Variants in ATAD3C observed in about 807,000 individuals in gnomAD.
ATAD3C encodes the protein ATPase family AAA domain-containing protein 3C.
ATAD3C carries 38 observed loss-of-function variants against 46.3 expected under a neutral mutation model. That is an observed-to-expected ratio of 0.82 (90% CI 0.63 to 1.08). The LOEUF (loss-of-function observed/expected upper bound fraction) is 1.08. ATAD3C is among the 50% of genes least tolerant of loss of function. The probability of loss-of-function intolerance (pLI) is 0.00; values close to 1 mark genes in which losing one functional copy is unlikely to be tolerated. For missense variants in ATAD3C, 563 were observed against 572.7 expected (o/e 0.98, Z 0.17); for synonymous variants, 220 against 236.4 (o/e 0.93, Z 0.63).
At chr1:1,450,855 T>C (rs1052064609) in intron 1 of ATAD3C, 97 bp downstream of exon 1, 10 of 1,552,708 alleles carry the variant, frequency 6.4e-6, no homozygotes, top group Non-Finnish European at 7.9e-6. Context: ...GCCGGGGGTG[T>C]GTACATGGGC....
chr1:1,462,845 G>C lies in ATAD3C; in HGVS notation c.1089+137G>C. 8.8e-7 allele frequency: 1 copy of C among 1,137,540 alleles called. No homozygotes were observed. The highest frequency in any genetic ancestry group is 1.2e-6 in the Non-Finnish European group (1 of 810,474). The allele number at this position is 1,137,540 out of a possible 1,614,324, so 70.5% of individuals were successfully genotyped here. A position where few individuals can be genotyped will look rare whatever the true frequency, so the allele number is the denominator to read the frequency against. On this transcript the variant is annotated intron_variant, in intron 11 of 11. Transcript: ENST00000378785. This position sits in a 1 kb window ranked among gnomAD's most constrained non-coding sequence, Gnocchi z 4.5. The stretch of plus-strand genomic sequence containing the variant: ...GGTTTTCAGTGCACAGATGTGACAC[G>C]GGGCCCCTGCCCCAGTTGGGCCACT...
chr1:1,464,509 G>T (rs1433924400), intron 11 of ATAD3C, among the ~76,000 whole-genome samples: 1 of 151,942 alleles, frequency 6.6e-6, no homozygotes, highest in Non-Finnish European at 1.5e-5. Flanking sequence ...GGTGGCTCAC[G>T]CCTGTAATCC....
intron 3 of ATAD3C, among the ~76,000 whole-genome samples, chr1:1,452,999 C>A (rs532895823): frequency 6.6e-6 from 1 of 151,960 alleles, no homozygotes. Flanking sequence ...CTGTGTCCTC[C>A]GTCCCCCCAC....
intron 6 of ATAD3C, among the ~76,000 whole-genome samples, 151 bp downstream of exon 6, chr1:1,456,067 C>T (rs967487578): frequency 5.4e-5 from 8 of 146,944 alleles, no homozygotes; most frequent in East Asian, 2.1e-4. Context: ...TGGGCAGCAG[C>T]GCCTCCCATC....
chr1:1,455,470 G>A lies in ATAD3C; in HGVS notation c.389G>A (p.Arg130Gln), dbSNP rs553622113. The A allele has an allele frequency of 1.1e-4, 175 of 1,612,410 alleles. 4 individuals carry two copies. Among genetic ancestry groups the A allele is most frequent in the South Asian group, 5.3e-4 (48 of 90,892 alleles). Residue 130 changes from arginine to glutamine, a missense_variant, in exon 5 of 12, where the codon CGG becomes CAG. Transcript: ENST00000378785. Reference sequence around the variant, plus strand: ...CCCCTTCCCCTCCAGCAGGTCAGCCGGCGGCTCCTCAGTCGACCCCAGGAC... The same window carrying A: ...CCCCTTCCCCTCCAGCAGGTCAGCCAGCGGCTCCTCAGTCGACCCCAGGAC... ...ALRHPIQQVS[R>Q]RLLSRPQDVL...
intron 11 of ATAD3C, among the ~76,000 whole-genome samples, chr1:1,464,791 G>A (rs1639121394): frequency 1.3e-5 from 2 of 151,948 alleles, no homozygotes; most frequent in African/African-American, 2.4e-5. Context: ...TTTAGGAATG[G>A]TTTTCCTATT....
At chr1:1,460,609 C>T (rs1035144522) in intron 9 of ATAD3C, 141 bp from the exon 10 acceptor site, 14 of 1,381,918 alleles carry the variant, frequency 1.0e-5, no homozygotes, top group Non-Finnish European at 1.2e-5. Flanking sequence ...TGGCTGCGTT[C>T]TCCCCATGTT....
In ATAD3C at chr1:1,451,671, G is replaced by A. The variant is rs139368610; in HGVS notation, c.76-375G>A. On this transcript the variant is annotated intron_variant, in intron 1 of 11. Coordinates refer to ENST00000378785, the MANE Select transcript of ATAD3C (RefSeq NM_001039211.3). Reference sequence around the variant, plus strand: ...GGTCACCTTCAGTCCTGAGCTCACAGGCGGGGTTCACGTGTTGCCTGTTGT... The same window carrying A: ...GGTCACCTTCAGTCCTGAGCTCACAAGCGGGGTTCACGTGTTGCCTGTTGT... 4.7e-3 allele frequency among the ~76,000 whole-genome samples: 715 copies of A among 152,218 alleles called. 8 individuals are homozygous for A. The highest frequency in any genetic ancestry group is 0.016 in the African/African-American group (673 of 41,572).
chr1:1,454,218 G>A, intron 3 of ATAD3C, 127 bp from the exon 4 acceptor site: 14 of 1,424,818 alleles, frequency 9.8e-6, no homozygotes, highest in Non-Finnish European at 1.3e-5. Context: ...GGGTTCCTGT[G>A]GGGCCAGCAC....
At chr1:1,455,557 G>A (rs760425262) in intron 5 of ATAD3C, 38 bp downstream of exon 5, 8 of 1,611,624 alleles carry the variant, frequency 5.0e-6, no homozygotes, top group Middle Eastern at 2.0e-4. Context: ...GGCGCAGGGA[G>A]GGGACCCCGG....
intron 6 of ATAD3C, 62 bp from the exon 7 acceptor site, chr1:1,456,163 G>A: frequency 6.5e-7 from 1 of 1,537,948 alleles, no homozygotes; most frequent in Non-Finnish European, 8.7e-7. Context: ...CGGGTGGAGT[G>A]TGCAGGCTTT....
rs570046441 is a variant in ATAD3C, at chr1:1,459,147, C to A, written c.742-14C>A. ...TTGCTCCTGGTGCCTAAGGCTGGAA[C>A]CTTCTCTCTGCAGGAGAAGATAAGC... is the stretch of plus-strand genomic sequence containing the variant. On this transcript the variant is annotated splice_polypyrimidine_tract_variant and intron_variant, in intron 8 of 11. Coordinates refer to ENST00000378785, the MANE Select transcript of ATAD3C (RefSeq NM_001039211.3). The surrounding 1 kb of genome is among the most constrained non-coding windows in gnomAD (Gnocchi z 4.9). 1.4e-4 allele frequency: 218 copies of A among 1,607,166 alleles called. 3 individuals carry two copies. Among genetic ancestry groups the A allele is most frequent in the African/African-American group, 4.1e-4 (31 of 74,704 alleles).
At chr1:1,460,978 C>T (rs988984425) in intron 10 of ATAD3C, 61 bp downstream of exon 10, 2 of 1,528,266 alleles carry the variant, frequency 1.3e-6, no homozygotes, top group Non-Finnish European at 1.8e-6. Context: ...CACCCCTGCT[C>T]CTGTTCTCCG....
chr1:1,460,706 C>G, intron 9 of ATAD3C, 44 bp from the exon 10 acceptor site: 1 of 1,550,284 alleles, frequency 6.5e-7, no homozygotes, highest in Non-Finnish European at 8.7e-7. Flanking sequence ...GGGGACAGCT[C>G]GGCCGGCAGC....
In ATAD3C at chr1:1,450,740, G is replaced by A. The variant is rs1439903788; in HGVS notation, c.57G>A (p.Glu19=). ...AQMQEQTLQL[E]QQSKLKQLVN... ...TGCAGGAGCAGACGCTGCAGTTGGA[G>A]CAACAGTCCAAGCTCAAAGTGAGTG... is the stretch of plus-strand genomic sequence containing the variant. Residue 19 remains glutamate, a synonymous_variant, in exon 1 of 12, where the codon GAG becomes GAA. Transcript: ENST00000378785. 8.7e-6 allele frequency: 14 copies of A among 1,613,106 alleles called. No homozygotes were observed. Among genetic ancestry groups the A allele is most frequent in the Non-Finnish European group, 1.1e-5 (13 of 1,179,578 alleles).
rs201157033 is a variant in ATAD3C at position 1,455,852 on chromosome 1, G to A, written c.500G>A (p.Arg167Gln). The change falls in exon 6 of 12, where the codon CGG (arginine) becomes CAG (glutamine). Residue 167 changes from arginine to glutamine, a missense_variant. Arg to Gln is a conservative substitution (Grantham distance 43, BLOSUM62 1). Transcript: ENST00000378785. ...AIMTRNIKKN[R>Q]GLYRHILLYG... ...ATGACAAGGAACATCAAGAAGAACC[G>A]GGGCCTGTACAGGCACATCCTGCTG... 42 of 1,613,482 alleles carry A rather than the reference G, an allele frequency of 2.6e-5. 1 individual carries two copies. In the Admixed American group the frequency reaches 2.7e-4, roughly 10 times the overall value.
Position 1,468,484 on chromosome 1 carries a change from T to C in ATAD3C, c.1190T>C (p.Leu397Pro). The C allele has an allele frequency of 6.2e-7, 1 of 1,612,028 alleles. No individual in the cohort carries two copies. The highest frequency in any genetic ancestry group is 8.5e-7 in the Non-Finnish European group (1 of 1,179,112). Residue 397 changes from leucine to proline, a missense_variant, in exon 12 of 12, where the codon CTG becomes CCG. Coordinates refer to ENST00000378785, the MANE Select transcript of ATAD3C (RefSeq NM_001039211.3). ...VQQHQQMMRWLKGERPGPEDE... is the reference protein window; with the variant it reads ...VQQHQQMMRWPKGERPGPEDE... Reference sequence around the variant, plus strand: ...CAGCACCAGCAGATGATGCGCTGGCTGAAGGGGGAGAGGCCTGGGCCCGAG... The same window carrying C: ...CAGCACCAGCAGATGATGCGCTGGCCGAAGGGGGAGAGGCCTGGGCCCGAG...
rs781457402 is a variant in ATAD3C at position 1,468,681 on chromosome 1, G to T, written c.*151G>T. ...TATTGGCTGACACGGGGCGGGGTTT[G>T]GGGCCCCCTAACGTCCCCCTGGGGT... On this transcript the variant is annotated 3_prime_UTR_variant, in exon 12 of 12. Transcript: ENST00000378785. 1.4e-6 allele frequency: 2 copies of T among 1,458,044 alleles called. No individual in the cohort carries two copies. Among genetic ancestry groups the T allele is most frequent in the Admixed American group, 2.2e-5 (1 of 46,318 alleles). 90.3% of individuals were successfully genotyped at this position (1,458,044 alleles called of 1,614,324 possible). A position where few individuals can be genotyped will look rare whatever the true frequency, so the allele number is the denominator to read the frequency against.
At chr1:1,460,032 G>A (rs1207758387) in intron 9 of ATAD3C, among the ~76,000 whole-genome samples, 1 of 151,632 alleles carries the variant, frequency 6.6e-6, no homozygotes. Flanking sequence ...CAGTGAACCC[G>A]GGCCCCCGAG....
Sources: gnomAD v4.1 joint callset for allele counts (sites outside exome capture counted in the v4.1 genomes callset) on GRCh38, gnomAD v4.1.1 for gene constraint, Gnocchi (gnomAD v3.1) non-coding constraint, MANE v1.5 for transcripts, NCBI Gene and HGNC (gene_info 2026-07-23, HGNC 2026-07-21) for gene names.